The following FHIT variants were observed in gnomAD, a reference collection of about 807,000 sequenced individuals.
The protein encoded by FHIT is fragile histidine triad diadenosine triphosphatase, also known as bis(5'-adenosyl)-triphosphatase.
A neutral mutation model predicts 17.9 loss-of-function variants in FHIT; 19 were observed. The ratio of observed to expected loss-of-function variants is 1.06; its 90% CI spans 0.74 to 1.56. FHIT has a LOEUF of 1.56. Among genes scored for constraint, FHIT ranks in the 40% most tolerant of loss-of-function variants. The pLI is 0.00. For synonymous variants in FHIT, 81 were observed against 69.7 expected, an observed-to-expected ratio of 1.16 and a Z score of -0.81; for missense variants, 248 against 189.2, an observed-to-expected ratio of 1.31 and a Z score of -1.82.
chr3:60,204,838 AT>A (rs1385316221), intron 5 of FHIT, among the ~76,000 whole-genome samples: 1 of 152,150 alleles, frequency 6.6e-6, no homozygotes, highest in East Asian at 1.9e-4. Context: ...ACCTATCAAT[AT>A]TTAAAAAGTA....
chr3:59,826,762 T>A (rs1050013125), intron 8 of FHIT, among the ~76,000 whole-genome samples: 1 of 152,266 alleles, frequency 6.6e-6, no homozygotes. Flanking sequence ...TTATCATCAA[T>A]GTAACAATTA....
chr3:59,895,927 T>G (rs1297137138), intron 8 of FHIT, among the ~76,000 whole-genome samples: 1 of 152,208 alleles, frequency 6.6e-6, no homozygotes, highest in Non-Finnish European at 1.5e-5. Context: ...CCTTTGCTTC[T>G]CAGAGCCTCT....
intron 5 of FHIT, among the ~76,000 whole-genome samples, chr3:60,504,556 A>G (rs1301171619): frequency 6.6e-6 from 1 of 152,236 alleles, no homozygotes; most frequent in Admixed American, 6.5e-5. Flanking sequence ...ATAACATAGT[A>G]AAACGTGAAC....
chr3:60,809,498 A>G (rs1553735428), intron 4 of FHIT, among the ~76,000 whole-genome samples: 1 of 152,212 alleles, frequency 6.6e-6, no homozygotes, highest in African/African-American at 2.4e-5. Context: ...TTTAAAAAGC[A>G]TAAAAAACCT....
At chr3:60,477,590 GTC>G (rs2033410537) in intron 5 of FHIT, among the ~76,000 whole-genome samples, 1 of 152,152 alleles carries the variant, frequency 6.6e-6, no homozygotes. Flanking sequence ...TCATATTAAT[GTC>G]TGCATTTTAG....
At chr3:61,191,826 C>T (rs553233375) in intron 2 of FHIT, among the ~76,000 whole-genome samples, 13 of 152,024 alleles carry the variant, frequency 8.6e-5, no homozygotes, top group African/African-American at 1.9e-4. Flanking sequence ...CTTAACATGC[C>T]GGCCAAATTG....
At chr3:61,113,965 C>T (rs1166910042) in intron 2 of FHIT, among the ~76,000 whole-genome samples, 1 of 152,096 alleles carries the variant, frequency 6.6e-6, no homozygotes. Flanking sequence ...TAAACAAGAG[C>T]AACTATTATT....
intron 8 of FHIT, among the ~76,000 whole-genome samples, chr3:59,806,008 C>T (rs147874408): frequency 0.022 from 3,311 of 152,030 alleles, 119 homozygotes; most frequent in African/African-American, 0.073. Flanking sequence ...GGTGAAACCC[C>T]GTCTCTGCTA....
intron 5 of FHIT, among the ~76,000 whole-genome samples, chr3:60,090,573 A>G (rs1413926658): frequency 6.6e-6 from 1 of 152,156 alleles, no homozygotes; most frequent in Non-Finnish European, 1.5e-5. Flanking sequence ...TTCTTCTGAC[A>G]CCCACAAGTA....
chr3:60,085,842 C>A (rs1198329211), intron 5 of FHIT, among the ~76,000 whole-genome samples: 1 of 152,186 alleles, frequency 6.6e-6, no homozygotes, highest in Non-Finnish European at 1.5e-5. Context: ...GGATAAGTGA[C>A]AAACTCTTTG....
At chr3:60,130,836 T>G (rs910193301) in intron 5 of FHIT, among the ~76,000 whole-genome samples, 1 of 149,724 alleles carries the variant, frequency 6.7e-6, no homozygotes, top group East Asian at 2.0e-4. Flanking sequence ...GGTGTGTACA[T>G]ACATACACAT....
chr3:59,983,729 C>T (rs1202321494), intron 7 of FHIT, among the ~76,000 whole-genome samples: 2 of 152,060 alleles, frequency 1.3e-5, no homozygotes, highest in Non-Finnish European at 2.9e-5. Flanking sequence ...GGAAGGTGGC[C>T]TCAGGAAGCT....
intron 4 of FHIT, among the ~76,000 whole-genome samples, chr3:60,610,595 G>A (rs1553673145): frequency 1.3e-5 from 2 of 152,094 alleles, no homozygotes; most frequent in Non-Finnish European, 2.9e-5. Flanking sequence ...AGAACTATTA[G>A]GGACAGTCAC....
intron 3 of FHIT, among the ~76,000 whole-genome samples, chr3:60,878,545 G>A (rs1440225262): frequency 6.6e-6 from 1 of 151,014 alleles, no homozygotes; most frequent in Non-Finnish European, 1.5e-5. Flanking sequence ...CAATGTGCAG[G>A]TTTATTACAT....
intron 4 of FHIT, among the ~76,000 whole-genome samples, chr3:60,642,859 A>C (rs923151064): frequency 2.6e-5 from 4 of 151,800 alleles, no homozygotes; most frequent in African/African-American, 9.7e-5. Context: ...TCACTTGTTA[A>C]CTCCTATTCC....
intron 4 of FHIT, among the ~76,000 whole-genome samples, chr3:60,814,274 T>TAGGCA (rs1701663635): frequency 6.6e-6 from 1 of 152,156 alleles, no homozygotes; most frequent in African/African-American, 2.4e-5. Flanking sequence ...TGCATCATGC[T>TAGGCA]GAGGTTTGGG....
chr3:60,644,668 C>G (rs758621816), intron 4 of FHIT, among the ~76,000 whole-genome samples: 1 of 152,164 alleles, frequency 6.6e-6, no homozygotes, highest in Non-Finnish European at 1.5e-5. Context: ...CTACAGCAGG[C>G]CCACGAGTTT....
chr3:60,391,527 C>A lies in FHIT; in HGVS notation c.103+145333G>T, dbSNP rs529195895. Among the ~76,000 whole-genome samples the A allele has an allele frequency of 2.0e-5, 3 of 152,300 alleles. No homozygotes were observed. The East Asian group carries it at 5.8e-4, about 29-fold the overall frequency. ...CCTGAGCAACTTCCAGTCTAAGCTCCATCCATGGTAAGTGCCCTGTACAGG... is the reference window on the plus strand; with the variant it reads ...CCTGAGCAACTTCCAGTCTAAGCTCAATCCATGGTAAGTGCCCTGTACAGG... On this transcript the variant is annotated intron_variant, in intron 5 of 9. Coordinates refer to ENST00000492590, the MANE Select transcript of FHIT (RefSeq NM_002012.4).
intron 5 of FHIT, among the ~76,000 whole-genome samples, chr3:60,427,053 T>C (rs1238431126): frequency 1.3e-5 from 2 of 152,046 alleles, no homozygotes; most frequent in African/African-American, 2.4e-5. Context: ...AAAAGGGAAA[T>C]TATCTTGGGT....
Sources: allele counts gnomAD v4.1 joint callset (sites outside exome capture counted in the v4.1 genomes callset), GRCh38; gene constraint gnomAD v4.1.1; transcripts MANE v1.5; gene names NCBI Gene and HGNC (gene_info 2026-07-23, HGNC 2026-07-21).